ATPSCKMT: variants seen among roughly 807,000 people sequenced by gnomAD.
The protein encoded by ATPSCKMT is ATP synthase c subunit lysine N-methyltransferase, also known as ATP synthase subunit C lysine N-methyltransferase.
Under a neutral mutation model 24.3 loss-of-function variants are expected in ATPSCKMT, and 24 were observed. That is an observed-to-expected ratio of 0.99 (90% confidence interval 0.71 to 1.39). ATPSCKMT has a LOEUF of 1.39. Among genes scored for constraint, ATPSCKMT ranks in the 40% most tolerant of loss-of-function variants. The probability of loss-of-function intolerance (pLI) is 0.00; values close to 1 mark genes in which losing one functional copy is unlikely to be tolerated. For synonymous variants in ATPSCKMT, 95 were observed against 110.5 expected (o/e 0.86, Z 0.88); for missense variants, 311 against 298.4 (o/e 1.04, Z -0.31).
At chr5:10,241,844 T>C (rs1487548277) in intron 1 of ATPSCKMT, among the ~76,000 whole-genome samples, 1 of 152,264 alleles carries the variant, frequency 6.6e-6, no homozygotes, top group Non-Finnish European at 1.5e-5. Context: ...ATAAAAGTTA[T>C]GTTTACACTA....
At chr5:10,239,598 T>A (rs965979776) in intron 1 of ATPSCKMT, among the ~76,000 whole-genome samples, 2 of 152,180 alleles carry the variant, frequency 1.3e-5, no homozygotes, top group African/African-American at 4.8e-5. Flanking sequence ...AAGTACTGAT[T>A]TTTTGTGTGT....
intron 1 of ATPSCKMT, among the ~76,000 whole-genome samples, chr5:10,242,253 T>C (rs913459407): frequency 1.3e-5 from 2 of 152,246 alleles, no homozygotes; most frequent in Non-Finnish European, 2.9e-5. Context: ...CTTCCAAATT[T>C]GGAGTCAATT....
chr5:10,243,647 C>A (rs543085184), intron 1 of ATPSCKMT, among the ~76,000 whole-genome samples: 1 of 152,362 alleles, frequency 6.6e-6, no homozygotes, highest in African/African-American at 2.4e-5. Flanking sequence ...GAACCTACCA[C>A]TGCTAGCTTC....
At chr5:10,242,110 T>C (rs1024668730) in intron 1 of ATPSCKMT, among the ~76,000 whole-genome samples, 6 of 152,036 alleles carry the variant, frequency 3.9e-5, no homozygotes, top group African/African-American at 1.5e-4. Flanking sequence ...TTGCCGAAGG[T>C]TGGGGTCGTT....
At chr5:10,244,732 C>A (rs145145803) in intron 1 of ATPSCKMT, among the ~76,000 whole-genome samples, 183 of 152,026 alleles carry the variant, frequency 1.2e-3, no homozygotes, top group African/African-American at 4.1e-3. Flanking sequence ...GGCAACATAG[C>A]AAGACCCCAT....
At chr5:10,237,002 T>C (rs1459022122) in intron 2 of ATPSCKMT, 2 of 1,305,140 alleles carry the variant, frequency 1.5e-6, no homozygotes, top group Non-Finnish European at 2.0e-6. Context: ...TCTGGGAGGA[T>C]GGTTTTGTGA....
intron 4 of ATPSCKMT, among the ~76,000 whole-genome samples, chr5:10,231,204 G>C (rs4357004): frequency 0.61 from 93,010 of 151,898 alleles, 29,739 homozygotes; most frequent in East Asian, 0.86. Flanking sequence ...GGGCCAACAC[G>C]CTGGGGCTGC....
At chr5:10,232,201 C>A (rs1744171919) in intron 4 of ATPSCKMT, among the ~76,000 whole-genome samples, 1 of 150,886 alleles carries the variant, frequency 6.6e-6, no homozygotes, top group Non-Finnish European at 1.5e-5. Context: ...GAGACTCTGT[C>A]TCAAAAAAAA....
chr5:10,243,545 T>C (rs1037321003), intron 1 of ATPSCKMT, among the ~76,000 whole-genome samples: 4 of 152,244 alleles, frequency 2.6e-5, no homozygotes, highest in Non-Finnish European at 5.9e-5. Flanking sequence ...CTAGATCTTC[T>C]AGATAACTTG....
chr5:10,246,998 G>A (rs1744966415), intron 1 of ATPSCKMT, among the ~76,000 whole-genome samples: 1 of 152,252 alleles, frequency 6.6e-6, no homozygotes, highest in African/African-American at 2.4e-5. Context: ...GGCAGGGAAA[G>A]CCTTTCTGGA....
At position 10,226,951 on chromosome 5, in the gene ATPSCKMT, T is replaced by C. The variant is rs1180073679; in HGVS notation, c.*490A>G. On this transcript the variant is annotated 3_prime_UTR_variant, in exon 5 of 5. Transcript: ENST00000511437. ...ATCTAGTGGTGGAACAAATTATTTCTAATAAATGTTATAAAATATAAACGC... is the reference window on the plus strand; with the variant it reads ...ATCTAGTGGTGGAACAAATTATTTCCAATAAATGTTATAAAATATAAACGC... 1 of 159,252 alleles carries C rather than the reference T, an allele frequency of 6.3e-6. No homozygotes were observed. Among genetic ancestry groups the C allele is most frequent in the Non-Finnish European group, 1.4e-5 (1 of 72,182 alleles). 9.9% of individuals were successfully genotyped at this position (159,252 alleles called of 1,614,324 possible).
At position 10,239,095 on chromosome 5, in the gene ATPSCKMT, A is replaced by G; in HGVS notation, c.278T>C (p.Val93Ala). ...GCGTCCGTCCCCACTACCGATGTCC[A>G]CAAGGGATCCTCTTCGGCATCGCAA... The part of the protein sequence containing the change: ...KMLRCRRGSL[V>A]DIGSGDGRIV... Residue 93 changes from valine to alanine, a missense_variant, in exon 2 of 5, where the codon GTG (valine) becomes GCG (alanine). Val to Ala is a moderately conservative substitution (Grantham distance 64). Transcript: ENST00000511437. 1 of 1,614,232 alleles carries G rather than the reference A, an allele frequency of 6.2e-7. No individual in the cohort carries two copies. Among genetic ancestry groups the G allele is most frequent in the East Asian group, 2.2e-5 (1 of 44,892 alleles).
rs1249123039 is a variant in ATPSCKMT at position 10,227,312 on chromosome 5, TAAGGA to T, written c.*124_*128del. On this transcript the variant is annotated 3_prime_UTR_variant, in exon 5 of 5. Coordinates refer to ENST00000511437, the MANE Select transcript of ATPSCKMT (RefSeq NM_199133.4). ...TTCTTCGTTTGTTTTCTCCAACAGT[TAAGGA>T]AAGTAATAGTAATTTCTCATTCCAA... 6 of 941,356 alleles carry T rather than the reference TAAGGA, an allele frequency of 6.4e-6. No homozygotes were observed. Among genetic ancestry groups the T allele is most frequent in the Non-Finnish European group, 9.4e-6 (6 of 639,058 alleles). The allele number at this position is 941,356 out of a possible 1,614,324, so 58.3% of individuals were successfully genotyped here. A position where few individuals can be genotyped will look rare whatever the true frequency, so the allele number is the denominator to read the frequency against.
chr5:10,232,874 C>T (rs1744214092), intron 4 of ATPSCKMT, among the ~76,000 whole-genome samples: 1 of 152,244 alleles, frequency 6.6e-6, no homozygotes, highest in African/African-American at 2.4e-5. Flanking sequence ...AAGAGCAAGG[C>T]TGATCTGCTC....
intron 2 of ATPSCKMT, 119 bp downstream of exon 2, chr5:10,238,943 AAAATG>A (rs1561030787): frequency 8.2e-7 from 1 of 1,216,124 alleles, no homozygotes; most frequent in Non-Finnish European, 1.1e-6. Context: ...AAACAAACAT[AAAATG>A]AAATGAGCAC....
Position 10,242,153 on chromosome 5 carries a change from G to A in ATPSCKMT, c.17-2797C>T, listed in dbSNP as rs369626700. Among the ~76,000 whole-genome samples, 4 of 152,222 alleles carry A rather than the reference G, an allele frequency of 2.6e-5. No individual in the cohort carries two copies. The East Asian group carries it at 5.8e-4, about 22-fold the overall frequency. The stretch of plus-strand genomic sequence containing the variant: ...TTTTTGAAAATAAGACAACAATGAA[G>A]TTTGCTGTATTGATAGACTCTTCCC... On this transcript the variant is annotated intron_variant, in intron 1 of 4. Transcript: ENST00000511437.
At chr5:10,249,809 G>A in intron 1 of ATPSCKMT, 49 bp downstream of exon 1, 1 of 695,824 alleles carries the variant, frequency 1.4e-6, no homozygotes, top group Middle Eastern at 6.3e-4. Context: ...CGGCCCGCCC[G>A]CACCCCTTCT....
At chr5:10,238,968 C>T in intron 2 of ATPSCKMT, 99 bp downstream of exon 2, 2 of 1,396,424 alleles carry the variant, frequency 1.4e-6, no homozygotes, top group East Asian at 2.3e-5. Context: ...CTCTTTCAAG[C>T]TGTCAGATTT....
chr5:10,231,717 C>T (rs1317208827), intron 4 of ATPSCKMT, among the ~76,000 whole-genome samples: 1 of 152,108 alleles, frequency 6.6e-6, no homozygotes, highest in Non-Finnish European at 1.5e-5. Flanking sequence ...AATATCTGCT[C>T]TCCCCACTAG....
Sources: allele counts gnomAD v4.1 joint callset (sites outside exome capture counted in the v4.1 genomes callset), GRCh38; gene constraint gnomAD v4.1.1; transcripts MANE v1.5; gene names NCBI Gene and HGNC (gene_info 2026-07-23, HGNC 2026-07-21).